The following RBFOX2 variants were observed in gnomAD, a reference collection of about 807,000 sequenced individuals.
RBFOX2 encodes RNA binding protein fox-1 homolog 2.
In RBFOX2, 10 loss-of-function variants were observed where a neutral mutation model predicts 49.1. The observed-to-expected ratio is 0.20, with a 90% CI of 0.13 to 0.35. RBFOX2 has a LOEUF of 0.35. Among genes scored for constraint, RBFOX2 ranks in the 10% least tolerant of loss-of-function variants. The probability of loss-of-function intolerance (pLI) is 1.00; values close to 1 mark genes in which losing one functional copy is unlikely to be tolerated. For missense variants in RBFOX2, 323 were observed against 486.9 expected (o/e 0.66, Z 3.17); for synonymous variants, 183 against 187.4 (o/e 0.98, Z 0.19).
In RBFOX2 at chr22:35,922,868, T is replaced by C. The variant is rs189236967; in HGVS notation, c.-34+15979A>G. ...TCCTGAGTAGCTCTAACAGAGACCATATGGCCCAGATGCTCTCAGATGCTT... is the reference window on the plus strand; with the variant it reads ...TCCTGAGTAGCTCTAACAGAGACCACATGGCCCAGATGCTCTCAGATGCTT... On this transcript the variant is annotated intron_variant, in intron 1 of 13. Transcript: ENST00000359369. Among the ~76,000 whole-genome samples, 4 of 152,266 alleles carry C rather than the reference T, an allele frequency of 2.6e-5. No individual in the cohort carries two copies. The East Asian group carries it at 7.7e-4, about 29-fold the overall frequency.
intron 1 of RBFOX2, among the ~76,000 whole-genome samples, chr22:35,812,890 A>G (rs189843215): frequency 1.6e-4 from 25 of 152,264 alleles, no homozygotes; most frequent in African/African-American, 6.0e-4. Flanking sequence ...CGTTATTCTC[A>G]ACAGGGCTGA....
intron 1 of RBFOX2, among the ~76,000 whole-genome samples, chr22:35,928,291 T>G (rs1039462396): frequency 6.6e-6 from 1 of 152,058 alleles, no homozygotes. Context: ...GCAGAGAAAT[T>G]GCCACAAAAC....
intron 1 of RBFOX2, among the ~76,000 whole-genome samples, chr22:35,951,290 G>C (rs1433327431): frequency 1.7e-5 from 2 of 118,596 alleles, no homozygotes; most frequent in African/African-American, 6.9e-5. Context: ...TCGTTGCCCA[G>C]GCTGGAGTGC....
At chr22:35,987,415 A>C (rs955598922) in intron 1 of RBFOX2, among the ~76,000 whole-genome samples, 1 of 152,222 alleles carries the variant, frequency 6.6e-6, no homozygotes, top group African/African-American at 2.4e-5. Flanking sequence ...ATGAGCTCAT[A>C]CATTTAAAAA....
intron 1 of RBFOX2, among the ~76,000 whole-genome samples, chr22:35,817,949 A>AACACACAC (rs71322983): frequency 1.7e-4 from 24 of 143,568 alleles, no homozygotes; most frequent in African/African-American, 5.3e-4. Context: ...ATCACTTGTC[A>AACACACAC]ACACACACAC....
At chr22:35,986,085 T>C (rs191447405) in intron 1 of RBFOX2, among the ~76,000 whole-genome samples, 2 of 152,284 alleles carry the variant, frequency 1.3e-5, no homozygotes, top group Non-Finnish European at 2.9e-5. Flanking sequence ...GTCCGCTATA[T>C]TTTTAGTAAT....
At chr22:35,840,188 T>C in intron 1 of RBFOX2, 1 of 1,614,038 alleles carries the variant, frequency 6.2e-7, no homozygotes, top group Non-Finnish European at 8.5e-7. Context: ...AGCACAAATC[T>C]TACCTGAGTT....
intron 9 of RBFOX2, among the ~76,000 whole-genome samples, chr22:35,757,252 A>G (rs1937267934): frequency 6.6e-6 from 1 of 151,990 alleles, no homozygotes. Flanking sequence ...AAACCTAAGC[A>G]ACACTATATT....
Position 35,749,688 on chromosome 22 carries a change from C to G in RBFOX2, c.888-3127G>C, listed in dbSNP as rs1166208880. 1.3e-5 allele frequency among the ~76,000 whole-genome samples: 2 copies of G among 152,120 alleles called. No individual in the cohort carries two copies. The highest frequency in any genetic ancestry group is 2.9e-5 in the Non-Finnish European group (2 of 68,016). ...ACCGTTTTTTCAGCTTTCACTCTTA[C>G]TAGCAAATCTAAAGGCTTTTATAAA... is the stretch of plus-strand genomic sequence containing the variant. On this transcript the variant is annotated intron_variant, in intron 9 of 11. Coordinates refer to ENST00000405409, the Ensembl canonical transcript of RBFOX2. This position sits in a 1 kb window ranked among gnomAD's most constrained non-coding sequence, Gnocchi z 4.1.
intron 1 of RBFOX2, among the ~76,000 whole-genome samples, chr22:35,870,140 AG>A (rs2044183919): frequency 6.6e-6 from 1 of 152,206 alleles, no homozygotes; most frequent in Non-Finnish European, 1.5e-5. Context: ...ATAACAGAAA[AG>A]GGGTTTGCAG....
At chr22:35,829,617 T>C (rs887324624) in intron 1 of RBFOX2, among the ~76,000 whole-genome samples, 2 of 152,028 alleles carry the variant, frequency 1.3e-5, no homozygotes, top group Non-Finnish European at 2.9e-5. Context: ...GCCTTGAAAA[T>C]GACATAGAAT....
intron 1 of RBFOX2, among the ~76,000 whole-genome samples, chr22:35,891,255 T>A (rs996840595): frequency 7.2e-5 from 11 of 152,038 alleles, no homozygotes; most frequent in Non-Finnish European, 1.6e-4. Flanking sequence ...TGCCTCAGCC[T>A]CCTGAGTAGC....
chr22:35,843,235 G>C (rs1040727814), upstream of RBFOX2, among the ~76,000 whole-genome samples: 1 of 152,154 alleles, frequency 6.6e-6, no homozygotes, highest in African/African-American at 2.4e-5. Flanking sequence ...TCCTGTATGT[G>C]TGTTTGGGAG....
chr22:35,757,698 T>A (rs1937398435), intron 9 of RBFOX2, among the ~76,000 whole-genome samples: 2 of 152,150 alleles, frequency 1.3e-5, no homozygotes, highest in Admixed American at 6.5e-5. Flanking sequence ...ATCAAACTCA[T>A]CTCTGATGTT....
At chr22:35,822,556 A>C (rs1954756248) in intron 1 of RBFOX2, among the ~76,000 whole-genome samples, 1 of 152,076 alleles carries the variant, frequency 6.6e-6, no homozygotes, top group Admixed American at 6.6e-5. Flanking sequence ...TTCCTCTGTG[A>C]ATTTGCTTTC....
intron 1 of RBFOX2, among the ~76,000 whole-genome samples, chr22:36,010,778 C>T (rs1369312557): frequency 2.1e-5 from 3 of 139,670 alleles, no homozygotes; most frequent in African/African-American, 5.4e-5. Flanking sequence ...CACACACACA[C>T]GTGTGTTTAT....
intron 1 of RBFOX2, among the ~76,000 whole-genome samples, chr22:35,882,119 C>CA (rs1208120835): frequency 6.6e-6 from 1 of 151,736 alleles, no homozygotes; most frequent in African/African-American, 2.4e-5. Context: ...GAAAGAGAAT[C>CA]AAAAAAAGAG....
intron 1 of RBFOX2, chr22:35,897,269 G>A: frequency 4.0e-6 from 6 of 1,507,934 alleles, no homozygotes; most frequent in Non-Finnish European, 4.6e-6. Context: ...GGCACTAAAT[G>A]TTGACGGTCT....
chr22:35,864,726 G>A (rs138761883), intron 1 of RBFOX2, among the ~76,000 whole-genome samples: 6 of 152,320 alleles, frequency 3.9e-5, no homozygotes, highest in African/African-American at 1.2e-4. Context: ...AAGACCAAAT[G>A]TGTATTTTCT....
Sources: allele counts gnomAD v4.1 joint callset (sites outside exome capture counted in the v4.1 genomes callset), GRCh38; gene constraint gnomAD v4.1.1; non-coding constraint Gnocchi (gnomAD v3.1); transcripts MANE v1.5; gene names NCBI Gene and HGNC (gene_info 2026-07-23, HGNC 2026-07-21).